The following KDM4C variants were observed in gnomAD, a reference collection of about 807,000 sequenced individuals.
KDM4C encodes the protein lysine demethylase 4C.
KDM4C carries 81 observed loss-of-function variants against 129.3 expected under a neutral mutation model. That is an observed-to-expected ratio of 0.63 (90% CI 0.52 to 0.75). The LOEUF (loss-of-function observed/expected upper bound fraction) is 0.75. Ranked by LOEUF, KDM4C falls within the 30% of genes least tolerant of loss-of-function variation. KDM4C has a pLI of 0.00. For missense variants in KDM4C, 1,457 were observed against 1,304.0 expected, an observed-to-expected ratio of 1.12 and a Z score of -1.81; for synonymous variants, 573 against 456.1, an observed-to-expected ratio of 1.26 and a Z score of -3.26.
At chr9:6,799,296 ACT>A (rs1323906630) in intron 2 of KDM4C, among the ~76,000 whole-genome samples, 1 of 152,008 alleles carries the variant, frequency 6.6e-6, no homozygotes, top group Non-Finnish European at 1.5e-5. Context: ...AGTTAAGGAG[ACT>A]CTGTCTGCAA....
At chr9:7,082,608 A>T (rs555900743) in intron 17 of KDM4C, among the ~76,000 whole-genome samples, 27 of 152,122 alleles carry the variant, frequency 1.8e-4, no homozygotes, top group Non-Finnish European at 2.5e-4. Flanking sequence ...TTTTCCTGTG[A>T]GAGTCTTGCT....
chr9:7,113,514 T>G lies in KDM4C; in HGVS notation c.2610+9644T>G, dbSNP rs137987406. Among the ~76,000 whole-genome samples, 733 of 152,288 alleles carry G rather than the reference T, an allele frequency of 4.8e-3. 7 individuals carry two copies. The highest frequency in any genetic ancestry group is 0.016 in the African/African-American group (672 of 41,570). On this transcript the variant is annotated intron_variant, in intron 18 of 21. Transcript: ENST00000381309. The stretch of plus-strand genomic sequence containing the variant: ...CACTGCTGATCTTTTGCCATTTCCA[T>G]AGGAAGGGCTGGGTCAGTGAGCATC...
chr9:6,741,913 T>C (rs1817711832), intron 1 of KDM4C, among the ~76,000 whole-genome samples: 1 of 148,414 alleles, frequency 6.7e-6, no homozygotes, highest in Non-Finnish European at 1.5e-5. Context: ...CACACACAAA[T>C]ACAGTTTTTT....
At chr9:6,801,326 C>T (rs1828923548) in intron 2 of KDM4C, among the ~76,000 whole-genome samples, 1 of 134,094 alleles carries the variant, frequency 7.5e-6, no homozygotes, top group South Asian at 2.4e-4. Context: ...GATCTTGGCT[C>T]ACTGCAAGCT....
intron 3 of KDM4C, among the ~76,000 whole-genome samples, chr9:6,809,634 A>G (rs1416218438): frequency 1.3e-5 from 2 of 152,244 alleles, no homozygotes; most frequent in East Asian, 1.9e-4. Flanking sequence ...TGTAGGCACT[A>G]TTGAGATGGA....
upstream of KDM4C, among the ~76,000 whole-genome samples, chr9:6,756,947 T>C (rs1272881677): frequency 6.6e-6 from 1 of 152,176 alleles, no homozygotes; most frequent in Non-Finnish European, 1.5e-5. Flanking sequence ...AGCCCAACTT[T>C]GCTCACTGGT....
intron 1 of KDM4C, among the ~76,000 whole-genome samples, chr9:6,750,541 A>G (rs1818034516): frequency 6.6e-6 from 1 of 152,210 alleles, no homozygotes; most frequent in Non-Finnish European, 1.5e-5. Context: ...CACCAAGTTC[A>G]GGAACAACTG....
intron 4 of KDM4C, among the ~76,000 whole-genome samples, chr9:6,843,970 A>G (rs1837419781): frequency 1.3e-5 from 2 of 151,980 alleles, no homozygotes; most frequent in South Asian, 4.1e-4. Flanking sequence ...AGTAGCTGGG[A>G]CCTGTGGCAT....
intron 1 of KDM4C, among the ~76,000 whole-genome samples, chr9:6,733,581 C>A (rs904751404): frequency 1.3e-5 from 2 of 152,200 alleles, no homozygotes; most frequent in Non-Finnish European, 2.9e-5. Context: ...CTTGACTCTA[C>A]TTCCTTTCTC....
chr9:6,721,021 C>G, intron 1 of KDM4C: 1 of 1,546,614 alleles, frequency 6.5e-7, no homozygotes, highest in African/African-American at 1.4e-5. Context: ...TGAACATAAT[C>G]CAGGACACTT....
At chr9:7,020,498 T>G (rs962922798) in intron 15 of KDM4C, among the ~76,000 whole-genome samples, 5 of 152,214 alleles carry the variant, frequency 3.3e-5, no homozygotes, top group African/African-American at 1.2e-4. Context: ...ATTTATATAA[T>G]TCTTTTTGGA....
At chr9:7,116,672 T>C (rs572762464) in intron 18 of KDM4C, among the ~76,000 whole-genome samples, 2 of 152,348 alleles carry the variant, frequency 1.3e-5, no homozygotes, top group South Asian at 4.1e-4. Flanking sequence ...TGAGTAACAT[T>C]GGCGAGGTAG....
chr9:7,099,199 A>C (rs547677591), intron 17 of KDM4C, among the ~76,000 whole-genome samples: 116 of 152,344 alleles, frequency 7.6e-4, no homozygotes, highest in African/African-American at 2.7e-3. Flanking sequence ...TTTGTGGAAG[A>C]AAAAAACATC....
chr9:6,996,645 T>G (rs1264358105), intron 12 of KDM4C, among the ~76,000 whole-genome samples: 1 of 152,200 alleles, frequency 6.6e-6, no homozygotes, highest in Non-Finnish European at 1.5e-5. Context: ...GCATGGCATT[T>G]GCTGACACAG....
At chr9:6,988,184 A>G (rs201053565) in intron 11 of KDM4C, among the ~76,000 whole-genome samples, 1,771 of 137,540 alleles carry the variant, frequency 0.013, 25 homozygotes, top group East Asian at 0.034. Context: ...AAAAAAAAAA[A>G]GGAAAAAAAA....
Position 6,752,388 on chromosome 9 carries a change from A to T in KDM4C, c.49+31391A>T, listed in dbSNP as rs570072610. Among the ~76,000 whole-genome samples the T allele has an allele frequency of 3.4e-5, 5 of 146,272 alleles. No homozygotes were observed. The South Asian group carries it at 1.1e-3, about 31-fold the overall frequency. Reference sequence around the variant, plus strand: ...TAAGGAGGAACAGGTAAAACAAAAAATTGGTAACGTTCTCAAAACCAGGGA... The same window carrying T: ...TAAGGAGGAACAGGTAAAACAAAAATTTGGTAACGTTCTCAAAACCAGGGA... On this transcript the variant is annotated intron_variant, in intron 1 of 17. Coordinates refer to the KDM4C transcript ENST00000536108.
At chr9:6,805,516 G>A in intron 2 of KDM4C, 83 bp from the exon 3 acceptor site, 1 of 796,488 alleles carries the variant, frequency 1.3e-6, no homozygotes, top group Non-Finnish European at 1.8e-6. Context: ...AAATTCTTCA[G>A]TTGTAGTTTA....
upstream of KDM4C, among the ~76,000 whole-genome samples, chr9:6,752,876 C>T (rs780679863): frequency 6.6e-6 from 1 of 152,110 alleles, no homozygotes; most frequent in Non-Finnish European, 1.5e-5. Context: ...CTTTTAAGTT[C>T]ATGCCTGAGG....
chr9:7,148,077 T>C (rs942045021), intron 19 of KDM4C, among the ~76,000 whole-genome samples: 1 of 152,032 alleles, frequency 6.6e-6, no homozygotes, highest in Non-Finnish European at 1.5e-5. Flanking sequence ...TGTGGTGGGG[T>C]GGGCAGCTCC....
Sources: allele counts gnomAD v4.1 joint callset (sites outside exome capture counted in the v4.1 genomes callset), GRCh38; gene constraint gnomAD v4.1.1; transcripts MANE v1.5; gene names NCBI Gene and HGNC (gene_info 2026-07-23, HGNC 2026-07-21).